Variants in UVRAG observed in about 807,000 individuals in gnomAD.
The protein encoded by UVRAG is UV radiation resistance associated.
In UVRAG, 19 loss-of-function variants were observed where a neutral mutation model predicts 78.0. The ratio of observed to expected loss-of-function variants is 0.24; its 90% CI spans 0.17 to 0.36. UVRAG has a LOEUF of 0.36. UVRAG is among the 10% of genes least tolerant of loss of function. UVRAG has a pLI of 1.00. For synonymous variants in UVRAG, 323 were observed against 324.6 expected (o/e 1.00, Z 0.05); for missense variants, 740 against 853.8 (o/e 0.87, Z 1.66).
chr11:75,969,830 C>T (rs1209122501), intron 7 of UVRAG, among the ~76,000 whole-genome samples: 2 of 152,218 alleles, frequency 1.3e-5, no homozygotes, highest in South Asian at 4.1e-4. Flanking sequence ...CGAGGCCATA[C>T]CATGATGCAT....
chr11:76,010,553 A>G (rs1565118533), intron 11 of UVRAG, among the ~76,000 whole-genome samples: 1 of 152,184 alleles, frequency 6.6e-6, no homozygotes, highest in Non-Finnish European at 1.5e-5. Context: ...TGAAGGAGGA[A>G]TGGGCTTGGC....
chr11:76,069,561 C>A (rs1951261196), intron 13 of UVRAG, among the ~76,000 whole-genome samples: 1 of 152,082 alleles, frequency 6.6e-6, no homozygotes, highest in South Asian at 2.1e-4. Flanking sequence ...CAGAAATTTG[C>A]TTTTAATTCT....
chr11:76,088,290 T>A (rs1951630503), intron 13 of UVRAG, among the ~76,000 whole-genome samples: 1 of 152,176 alleles, frequency 6.6e-6, no homozygotes, highest in Admixed American at 6.5e-5. Context: ...CTTCATTGCC[T>A]CTACTAAGGT....
intron 1 of UVRAG, among the ~76,000 whole-genome samples, chr11:75,846,225 A>G (rs1946030519): frequency 6.6e-6 from 1 of 152,208 alleles, no homozygotes; most frequent in Non-Finnish European, 1.5e-5. Flanking sequence ...GAGGATTTCC[A>G]ATAGGCTAAA....
chr11:75,819,473 G>A (rs116201559), intron 1 of UVRAG, among the ~76,000 whole-genome samples: 4 of 151,924 alleles, frequency 2.6e-5, no homozygotes, highest in South Asian at 2.1e-4. Context: ...TCAGCCTTCC[G>A]CATAGCTGGG....
chr11:76,063,176 AAG>A lies in UVRAG; in HGVS notation c.1227-2531_1227-2530del, dbSNP rs1452720696. ...TGCGTAGAGACTTGACAGAGAGGCA[AAG>A]AGGAAGAAAATAAAATTTCTGCCCT... is the stretch of plus-strand genomic sequence containing the variant. On this transcript the variant is annotated intron_variant, in intron 12 of 14. Transcript: ENST00000356136. Among the ~76,000 whole-genome samples, 4 of 152,356 alleles carry A rather than the reference AAG, an allele frequency of 2.6e-5. No homozygotes were observed. In the East Asian group the frequency reaches 7.7e-4, roughly 29 times the overall value.
At chr11:75,899,377 C>G (rs1469874380) in intron 5 of UVRAG, among the ~76,000 whole-genome samples, 3 of 151,974 alleles carry the variant, frequency 2.0e-5, no homozygotes, top group Non-Finnish European at 2.9e-5. Flanking sequence ...ACTACCATTG[C>G]CAGTTTTCAT....
intron 12 of UVRAG, among the ~76,000 whole-genome samples, chr11:76,056,984 T>C (rs910599172): frequency 6.6e-6 from 1 of 152,092 alleles, no homozygotes; most frequent in African/African-American, 2.4e-5. Flanking sequence ...AAACAGAGAA[T>C]AGCAAGTTCA....
intron 14 of UVRAG, among the ~76,000 whole-genome samples, chr11:76,134,260 CTTTTT>C (rs1180218277): frequency 3.3e-5 from 4 of 122,826 alleles, no homozygotes; most frequent in Admixed American, 8.2e-5. Context: ...CACACCTGGC[CTTTTT>C]TTTTTTTTTT....
chr11:75,851,960 C>T lies in UVRAG; in HGVS notation c.195C>T (p.Tyr65=), dbSNP rs2134744666. ...ATGGCCATCAGCTCCTTGATACCTA[C>T]TTTACACTTCACTTGTGTAGTACTG... ...NRNGHQLLDT[Y]FTLHLCSTEK... The change falls in exon 2 of 15, where the codon TAC becomes TAT. Residue 65 remains tyrosine, a synonymous_variant. Transcript: ENST00000356136. 6.2e-7 allele frequency: 1 copy of T among 1,613,894 alleles called. No individual in the cohort carries two copies. Among genetic ancestry groups the T allele is most frequent in the Non-Finnish European group, 8.5e-7 (1 of 1,179,812 alleles).
intron 4 of UVRAG, 88 bp downstream of exon 4, chr11:75,880,128 CTAT>C: frequency 1.3e-6 from 2 of 1,500,474 alleles, no homozygotes; most frequent in Non-Finnish European, 1.8e-6. Flanking sequence ...TCTGCGTTTC[CTAT>C]TATAAAGAGA....
intron 6 of UVRAG, among the ~76,000 whole-genome samples, chr11:75,915,620 C>T (rs910822635): frequency 2.0e-5 from 3 of 151,938 alleles, no homozygotes; most frequent in South Asian, 2.1e-4. Flanking sequence ...GAGAAAAGTA[C>T]GGGACTAAAA....
At chr11:75,984,408 TAA>T (rs918048114) in intron 8 of UVRAG, among the ~76,000 whole-genome samples, 6 of 152,236 alleles carry the variant, frequency 3.9e-5, no homozygotes, top group African/African-American at 1.4e-4. Context: ...TGTAAGCTAA[TAA>T]AAGTGTTCTG....
chr11:75,923,465 A>G (rs1948022593), intron 6 of UVRAG, among the ~76,000 whole-genome samples: 2 of 152,182 alleles, frequency 1.3e-5, no homozygotes. Context: ...TAAAATGATG[A>G]TGATAATAGC....
At chr11:76,140,662 A>C in intron 14 of UVRAG, 49 bp from the exon 15 acceptor site, 1 of 1,510,834 alleles carries the variant, frequency 6.6e-7, no homozygotes. Flanking sequence ...GAAGGCTTAC[A>C]CTGAGTTCTG....
intron 12 of UVRAG, among the ~76,000 whole-genome samples, chr11:76,020,062 A>G (rs960550620): frequency 6.6e-6 from 1 of 152,014 alleles, no homozygotes; most frequent in African/African-American, 2.4e-5. Flanking sequence ...AGTCCTTCCC[A>G]CTTTTCCCTC....
chr11:76,101,100 T>A (rs1371572280), intron 13 of UVRAG, among the ~76,000 whole-genome samples: 1 of 124,850 alleles, frequency 8.0e-6, no homozygotes, highest in East Asian at 2.0e-4. Context: ...GATAAAACGA[T>A]TTGTATTCCT....
At chr11:75,832,244 C>T (rs981078687) in intron 1 of UVRAG, among the ~76,000 whole-genome samples, 2 of 152,096 alleles carry the variant, frequency 1.3e-5, no homozygotes, top group Non-Finnish European at 2.9e-5. Context: ...TGCTATTTAC[C>T]CGGAGTTATG....
chr11:75,907,453 T>C (rs7945859), intron 5 of UVRAG, among the ~76,000 whole-genome samples: 4,273 of 152,138 alleles, frequency 0.028, 214 homozygotes, highest in African/African-American at 0.098. Flanking sequence ...AAATGCATTT[T>C]CTGCATCAAC....
Sources: gnomAD v4.1 joint callset for allele counts (sites outside exome capture counted in the v4.1 genomes callset) on GRCh38, gnomAD v4.1.1 for gene constraint, MANE v1.5 for transcripts, NCBI Gene and HGNC (gene_info 2026-07-23, HGNC 2026-07-21) for gene names.